CDK14: variants seen among roughly 807,000 people sequenced by gnomAD.
CDK14 encodes the protein cyclin-dependent kinase 14.
In CDK14, 34 loss-of-function variants were observed where a neutral mutation model predicts 60.7. That is an observed-to-expected ratio of 0.56 (90% CI 0.43 to 0.75). The LOEUF (loss-of-function observed/expected upper bound fraction) is 0.75. Among genes scored for constraint, CDK14 ranks in the 30% least tolerant of loss-of-function variants. CDK14 has a pLI of 0.00. For synonymous variants in CDK14, 197 were observed against 203.7 expected, an observed-to-expected ratio of 0.97 and a Z score of 0.28; for missense variants, 482 against 564.1, an observed-to-expected ratio of 0.85 and a Z score of 1.47.
intron 14 of CDK14, among the ~76,000 whole-genome samples, chr7:91,154,961 G>A (rs1800942798): frequency 1.3e-5 from 2 of 152,210 alleles, no homozygotes; most frequent in South Asian, 4.1e-4. Flanking sequence ...GATGAAAGTG[G>A]CCTCTGGCTT....
chr7:90,709,183 G>T, intron 2 of CDK14: 1 of 232,650 alleles, frequency 4.3e-6, no homozygotes, highest in Non-Finnish European at 8.3e-6. Flanking sequence ...CACATATTTG[G>T]TGCGTGGTTA....
chr7:90,724,960 G>T lies in CDK14; in HGVS notation c.124-1607G>T, dbSNP rs183617220. Among the ~76,000 whole-genome samples the T allele has an allele frequency of 1.3e-3, 203 of 152,050 alleles. 1 individual carries two copies. Among genetic ancestry groups the T allele is most frequent in the African/African-American group, 4.6e-3 (189 of 41,516 alleles). On this transcript the variant is annotated intron_variant, in intron 2 of 14. Transcript: ENST00000380050. The stretch of plus-strand genomic sequence containing the variant: ...TTTTACTTTTTGATCATGACTAGAG[G>T]ACTCTGCCTTGAGTCTTTTAAAAAT...
intron 12 of CDK14, among the ~76,000 whole-genome samples, chr7:91,090,176 AC>A (rs1798759188): frequency 2.0e-5 from 3 of 152,114 alleles, no homozygotes; most frequent in Admixed American, 2.0e-4. Context: ...CCTGATCAGG[AC>A]CCCTTCTCTG....
At chr7:90,660,317 A>G (rs189382119) in intron 2 of CDK14, among the ~76,000 whole-genome samples, 205 of 152,264 alleles carry the variant, frequency 1.3e-3, no homozygotes, top group Non-Finnish European at 2.3e-3. Context: ...TCAAGTATCT[A>G]TTTACTAACT....
At chr7:91,206,332 C>G (rs1325699357) in intron 14 of CDK14, among the ~76,000 whole-genome samples, 1 of 152,162 alleles carries the variant, frequency 6.6e-6, no homozygotes, top group Non-Finnish European at 1.5e-5. Flanking sequence ...GACATGAAGG[C>G]CTCACCAGGC....
At position 91,043,458 on chromosome 7, in the gene CDK14, G is replaced by A. The variant is rs574363816; in HGVS notation, c.1042-2439G>A. 6.6e-5 allele frequency among the ~76,000 whole-genome samples: 10 copies of A among 152,228 alleles called. No homozygotes were observed. The South Asian group carries it at 8.3e-4, about 13-fold the overall frequency. On this transcript the variant is annotated intron_variant, in intron 10 of 14. Transcript: ENST00000380050. ...TTGTCCTTGATGCAAATTTTAGTGAGAACAAAGTGGAGCATTTCCAGATTA... is the reference window on the plus strand; with the variant it reads ...TTGTCCTTGATGCAAATTTTAGTGAAAACAAAGTGGAGCATTTCCAGATTA...
At chr7:91,076,241 CCAAAAAAAAAAAAAAAA>C (rs1798309243) in intron 11 of CDK14, among the ~76,000 whole-genome samples, 1 of 27,728 alleles carries the variant, frequency 3.6e-5, no homozygotes, top group African/African-American at 1.1e-4. Context: ...GCTACAGTAA[CCAAAAAAAAAAAAAAAA>C]AAAAAAAAAA....
intron 14 of CDK14, among the ~76,000 whole-genome samples, chr7:91,187,807 A>G (rs1254580789): frequency 6.6e-6 from 1 of 152,240 alleles, no homozygotes; most frequent in Non-Finnish European, 1.5e-5. Context: ...TGTGACATCT[A>G]CATAGTGCAT....
chr7:91,051,704 T>C (rs531359532), intron 11 of CDK14, among the ~76,000 whole-genome samples: 1 of 152,268 alleles, frequency 6.6e-6, no homozygotes, highest in African/African-American at 2.4e-5. Context: ...ATATTCCTTT[T>C]CATGGGTTCA....
At chr7:90,888,572 ACT>A (rs1480204045) in intron 6 of CDK14, among the ~76,000 whole-genome samples, 8 of 151,550 alleles carry the variant, frequency 5.3e-5, no homozygotes, top group Non-Finnish European at 1.2e-4. Flanking sequence ...TTTGTTTCTA[ACT>A]CTGTTCATTC....
At chr7:90,796,352 C>G (rs1173747158) in intron 5 of CDK14, among the ~76,000 whole-genome samples, 1 of 151,772 alleles carries the variant, frequency 6.6e-6, no homozygotes, top group Non-Finnish European at 1.5e-5. Flanking sequence ...ATGTTAGTAA[C>G]AAAAAATAAT....
chr7:91,033,455 T>C (rs1796822782), intron 10 of CDK14, among the ~76,000 whole-genome samples: 1 of 152,228 alleles, frequency 6.6e-6, no homozygotes, highest in Non-Finnish European at 1.5e-5. Context: ...AAAGTCCAAT[T>C]AGAATGCATC....
Position 91,031,217 on chromosome 7 carries a change from G to A in CDK14, c.1042-14680G>A, listed in dbSNP as rs550181317. Among the ~76,000 whole-genome samples, 6 of 152,224 alleles carry A rather than the reference G, an allele frequency of 3.9e-5. No individual in the cohort carries two copies. In the East Asian group the frequency reaches 1.2e-3, roughly 29 times the overall value. The stretch of plus-strand genomic sequence containing the variant: ...TGTTTTTGCACTGTGGAATTTTATA[G>A]TGGTAAAGGGACAATAAGATGATTG... On this transcript the variant is annotated intron_variant, in intron 10 of 14. Transcript: ENST00000380050.
intron 6 of CDK14, among the ~76,000 whole-genome samples, chr7:90,873,108 G>C (rs1015423615): frequency 6.6e-6 from 1 of 151,948 alleles, no homozygotes; most frequent in Non-Finnish European, 1.5e-5. Flanking sequence ...AATACTCCTG[G>C]AAAACTGCAT....
intron 14 of CDK14, among the ~76,000 whole-genome samples, chr7:91,140,761 T>C (rs1016918955): frequency 1.3e-5 from 2 of 152,168 alleles, no homozygotes; most frequent in East Asian, 1.9e-4. Context: ...GAGGATAAAG[T>C]ATTTAGCACA....
At chr7:90,817,167 A>C (rs1214051918) in intron 5 of CDK14, among the ~76,000 whole-genome samples, 1 of 152,212 alleles carries the variant, frequency 6.6e-6, no homozygotes, top group Non-Finnish European at 1.5e-5. Flanking sequence ...TTATAAAAGG[A>C]AAATTAATAG....
chr7:90,705,052 A>G (rs1801868522), intron 2 of CDK14, among the ~76,000 whole-genome samples: 2 of 151,998 alleles, frequency 1.3e-5, no homozygotes, highest in South Asian at 4.1e-4. Flanking sequence ...ATTTTAAAAG[A>G]GAAAGTATTT....
In CDK14 at chr7:90,741,136, T is replaced by C. The variant is rs187291914; in HGVS notation, c.370-6545T>C. 5.8e-3 allele frequency among the ~76,000 whole-genome samples: 884 copies of C among 152,294 alleles called. 3 individuals carry two copies. Among genetic ancestry groups the C allele is most frequent in the Non-Finnish European group, 0.01 (684 of 68,016 alleles). On this transcript the variant is annotated intron_variant, in intron 3 of 14. Transcript: ENST00000380050. ...ATTGTGTCCAGCTGTGCAGATTGAG[T>C]ACTTGACTCTGCAAGTTTTCTTGAA...
chr7:91,058,549 T>C (rs966747065), intron 11 of CDK14, among the ~76,000 whole-genome samples: 1 of 152,224 alleles, frequency 6.6e-6, no homozygotes, highest in Non-Finnish European at 1.5e-5. Flanking sequence ...GGGTTTGTCA[T>C]AGATAGCTTA....
Sources: allele counts gnomAD v4.1 joint callset (sites outside exome capture counted in the v4.1 genomes callset), GRCh38; gene constraint gnomAD v4.1.1; transcripts MANE v1.5; gene names NCBI Gene and HGNC (gene_info 2026-07-23, HGNC 2026-07-21).